Variants in MICAL2 observed in about 807,000 individuals in gnomAD.
MICAL2 encodes [F-actin]-monooxygenase MICAL2.
A neutral mutation model predicts 127.3 loss-of-function variants in MICAL2; 77 were observed. The ratio of observed to expected loss-of-function variants is 0.60; its 90% CI spans 0.50 to 0.73. The LOEUF (loss-of-function observed/expected upper bound fraction) is 0.73, where lower values mean the gene tolerates loss of function less well. Ranked by LOEUF, MICAL2 falls within the 30% of genes least tolerant of loss-of-function variation. The probability of loss-of-function intolerance (pLI) is 0.00; values close to 1 mark genes in which losing one functional copy is unlikely to be tolerated. For missense variants in MICAL2, 1,351 were observed against 1,434.4 expected (o/e 0.94, Z 0.94); for synonymous variants, 570 against 551.1 (o/e 1.03, Z -0.48).
rs200566396 is a variant in MICAL2 at position 12,256,062 on chromosome 11, AG to A, written c.2955+313del. 823 of 298,386 alleles carry A rather than the reference AG, an allele frequency of 2.8e-3. 6 individuals are homozygous for A. Among genetic ancestry groups the A allele is most frequent in the African/African-American group, 0.016 (751 of 47,986 alleles). 18.5% of individuals were successfully genotyped at this position (298,386 alleles called of 1,614,324 possible). A position where few individuals can be genotyped will look rare whatever the true frequency, so the allele number is the denominator to read the frequency against. ...GCATAATTGAATGGCCCTCACTTTC[AG>A]TGTTTAGTGTCCAACCTGAACAGAC... On this transcript the variant is annotated intron_variant, in intron 23 of 27. Coordinates refer to ENST00000683283, the MANE Select transcript of MICAL2 (RefSeq NM_001282663.2).
chr11:12,206,141 G>T lies in MICAL2; in HGVS notation c.472+1684G>T, dbSNP rs796400125. On this transcript the variant is annotated intron_variant, in intron 4 of 27. Coordinates refer to ENST00000683283, the MANE Select transcript of MICAL2 (RefSeq NM_001282663.2). ...TTCAAGATGTGCTCTCCCGCCTATG[G>T]AAGAATGTATGTCGGTTACCAATTT... Among the ~76,000 whole-genome samples the T allele has an allele frequency of 6.6e-5, 10 of 152,250 alleles. 1 individual carries two copies. The highest frequency in any genetic ancestry group is 2.2e-4 in the African/African-American group (9 of 41,548).
chr11:12,251,143 T>C (rs1027252432), intron 22 of MICAL2, among the ~76,000 whole-genome samples: 9 of 152,188 alleles, frequency 5.9e-5, no homozygotes, highest in African/African-American at 2.2e-4. Flanking sequence ...ATTTCTAGTT[T>C]ATTTTCATTG....
At chr11:12,225,959 C>T (rs1277728322) in intron 13 of MICAL2, among the ~76,000 whole-genome samples, 1 of 152,184 alleles carries the variant, frequency 6.6e-6, no homozygotes, top group African/African-American at 2.4e-5. Flanking sequence ...GCAATAACGT[C>T]ATCATGGCCC....
In MICAL2 at chr11:12,209,513, A is replaced by T; in HGVS notation, c.606A>T (p.Ala202=). Residue 202 remains alanine (A), a synonymous_variant, in exon 6 of 28, where the codon GCA becomes GCT. Transcript: ENST00000683283. ...DQENQKIGWR[A]EFLPTDHSLS... is the part of the protein sequence containing the mutation. ...TCCTGGTAGAAATTGGCTGGCGGGC[A>T]GAATTTCTCCCTACAGACCATTCTC... is the stretch of plus-strand genomic sequence containing the variant. The T allele has an allele frequency of 6.2e-7, 1 of 1,614,140 alleles. No individual in the cohort carries two copies. Among genetic ancestry groups the T allele is most frequent in the Non-Finnish European group, 8.5e-7 (1 of 1,179,950 alleles).
In MICAL2 at chr11:12,226,220, G is replaced by T. The variant is rs750515600; in HGVS notation, c.1738G>T (p.Ala580Ser). ...TGATGCTGTGGAGAACAACCAGCTCGCATTTGATGTGGCCGAGCGAGAGTT... is the reference window on the plus strand; with the variant it reads ...TGATGCTGTGGAGAACAACCAGCTCTCATTTGATGTGGCCGAGCGAGAGTT... ...EDDAVENNQL[A>S]FDVAEREFGI... The change falls in exon 14 of 28, where the codon GCA (alanine) becomes TCA (serine). Residue 580 changes from alanine (A) to serine (S), a missense_variant. Physicochemically the swap from Ala to Ser is moderately conservative, Grantham distance 99. Around this residue, in one of 2 missense-constraint regions of MICAL2, gnomAD observed 752 missense variants for 719.4 expected, o/e 1.05. Transcript: ENST00000683283. 78 of 1,614,112 alleles carry T rather than the reference G, an allele frequency of 4.8e-5. No individual in the cohort carries two copies. The highest frequency in any genetic ancestry group is 5.9e-5 in the Non-Finnish European group (70 of 1,180,058).
upstream of MICAL2, among the ~76,000 whole-genome samples, chr11:12,272,853 T>C (rs572657481): frequency 2.0e-5 from 3 of 152,274 alleles, no homozygotes; most frequent in South Asian, 4.1e-4. Context: ...AGCAGGAACA[T>C]GAGTGACAGC....
Position 12,202,158 on chromosome 11 carries a change from C to T in MICAL2, c.265-2092C>T, listed in dbSNP as rs77746317. On this transcript the variant is annotated intron_variant, in intron 3 of 27. Coordinates refer to ENST00000683283, the MANE Select transcript of MICAL2 (RefSeq NM_001282663.2). ...AAGACTTTTACCATTTGGCTGCAGA[C>T]CAACTCTCATCTCTTTTCTCTCCTT... Among the ~76,000 whole-genome samples, 812 of 152,226 alleles carry T rather than the reference C, an allele frequency of 5.3e-3. 5 individuals carry two copies. The highest frequency in any genetic ancestry group is 0.014 in the Middle Eastern group (4 of 294).
At chr11:12,294,788 C>T (rs367805185), downstream of MICAL2, 67 of 1,600,042 alleles carry the variant, frequency 4.2e-5, no homozygotes, top group African/African-American at 1.4e-4. Context: ...CACCTCCCTG[C>T]GCCAGGCAGC....
At chr11:12,260,698 AG>A in intron 26 of MICAL2, 3 of 985,610 alleles carry the variant, frequency 3.0e-6, no homozygotes, top group Non-Finnish European at 3.6e-6. Context: ...TAATTATTTT[AG>A]AAGAAGAGAG....
rs1232960226 is a variant in MICAL2, at chr11:12,204,419, T to TC, written c.435dup (p.Tyr146LeufsTer31). ...CTTCGTGGCCTGGGAGCCAAGAAGT[T>TC]CTATGGGAAGTTCTGTGCTGGCTCC... On this transcript the variant is annotated frameshift_variant, in exon 4 of 28. Coordinates refer to ENST00000683283, the MANE Select transcript of MICAL2 (RefSeq NM_001282663.2). LOFTEE classifies it high-confidence loss of function. The TC allele has an allele frequency of 6.2e-7, 1 of 1,614,058 alleles. No homozygotes were observed. The highest frequency in any genetic ancestry group is 2.2e-5 in the East Asian group (1 of 44,886).
At chr11:12,181,234 G>A (rs374680259) in intron 3 of MICAL2, among the ~76,000 whole-genome samples, 10 of 152,282 alleles carry the variant, frequency 6.6e-5, no homozygotes, top group East Asian at 1.9e-4. Flanking sequence ...ATGAGCCACC[G>A]TGCCCGGCCT....
chr11:12,312,393 A>C (rs1447641269), intron 29 of MICAL2, among the ~76,000 whole-genome samples: 1 of 150,112 alleles, frequency 6.7e-6, no homozygotes, highest in Non-Finnish European at 1.5e-5. Context: ...ATTTCTCTCT[A>C]ATTACTACTT....
chr11:12,235,210 C>G (rs1446579557), intron 15 of MICAL2, among the ~76,000 whole-genome samples: 2 of 152,170 alleles, frequency 1.3e-5, no homozygotes, highest in African/African-American at 4.8e-5. Flanking sequence ...GTACTAAATT[C>G]AGTCTTTCCC....
intron 2 of MICAL2, among the ~76,000 whole-genome samples, chr11:12,141,723 A>C (rs1852370331): frequency 6.6e-6 from 1 of 152,150 alleles, no homozygotes; most frequent in Non-Finnish European, 1.5e-5. Flanking sequence ...TGAATTTTTG[A>C]TCAGAGGGTA....
chr11:12,286,358 A>G (rs1204392641), intron 2 of MICAL2, among the ~76,000 whole-genome samples: 1 of 152,228 alleles, frequency 6.6e-6, no homozygotes, highest in Non-Finnish European at 1.5e-5. Context: ...TGTATTACAT[A>G]TATGGAACAT....
Position 12,171,627 on chromosome 11 carries a change from C to T in MICAL2, c.264+9208C>T, listed in dbSNP as rs116345609. 2.9e-4 allele frequency among the ~76,000 whole-genome samples: 44 copies of T among 152,282 alleles called. 1 individual carries two copies. Among genetic ancestry groups the T allele is most frequent in the Admixed American group, 1.6e-3 (24 of 15,296 alleles). On this transcript the variant is annotated intron_variant, in intron 3 of 27. Coordinates refer to ENST00000683283, the MANE Select transcript of MICAL2 (RefSeq NM_001282663.2). Reference sequence around the variant, plus strand: ...GCCTGATTCTCAGGTTGTTCTCCTGCGCTGAATTTGTAAGAGTGCATTCAG... The same window carrying T: ...GCCTGATTCTCAGGTTGTTCTCCTGTGCTGAATTTGTAAGAGTGCATTCAG...
At chr11:12,263,032 A>T (rs550064643) in intron 27 of MICAL2, 132 of 156,920 alleles carry the variant, frequency 8.4e-4, no homozygotes, top group Non-Finnish European at 1.4e-3. Context: ...GGATTTAAAA[A>T]ACTTAATTAC....
intron 33 of MICAL2, among the ~76,000 whole-genome samples, chr11:12,351,784 T>C (rs1939050100): frequency 6.6e-6 from 1 of 151,660 alleles, no homozygotes; most frequent in Admixed American, 6.6e-5. Context: ...ATTTGTTGTA[T>C]TATAACTTTT....
intron 29 of MICAL2, among the ~76,000 whole-genome samples, chr11:12,313,116 C>A (rs1156426377): frequency 8.2e-6 from 1 of 122,028 alleles, no homozygotes; most frequent in African/African-American, 3.2e-5. Context: ...TGCAGTGAGC[C>A]GAGATAGCAC....
Sources: allele counts gnomAD v4.1 joint callset (sites outside exome capture counted in the v4.1 genomes callset), GRCh38; gene constraint gnomAD v4.1.1; regional missense constraint gnomAD v4.1.1; transcripts MANE v1.5; gene names NCBI Gene and HGNC (gene_info 2026-07-23, HGNC 2026-07-21).